DLG1: variants seen among roughly 807,000 people sequenced by gnomAD.
DLG1 encodes disks large homolog 1.
Under a neutral mutation model 123.4 loss-of-function variants are expected in DLG1, and 42 were observed. That is an observed-to-expected ratio of 0.34 (90% confidence interval 0.27 to 0.44). The LOEUF (loss-of-function observed/expected upper bound fraction) is 0.44, where lower values mean the gene tolerates loss of function less well. Among genes scored for constraint, DLG1 ranks in the 20% least tolerant of loss-of-function variants. The pLI is 1.00. For synonymous variants in DLG1, 317 were observed against 356.2 expected (o/e 0.89, Z 1.24); for missense variants, 942 against 1,082.6 (o/e 0.87, Z 1.82).
chr3:197,119,381 G>C, intron 12 of DLG1, 29 bp downstream of exon 12: 1 of 1,546,436 alleles, frequency 6.5e-7, no homozygotes, highest in South Asian at 1.2e-5. Flanking sequence ...TTGATTTTAT[G>C]TAAGAAGGAT....
At chr3:197,127,591 A>C (rs907636942) in intron 11 of DLG1, among the ~76,000 whole-genome samples, 9 of 149,430 alleles carry the variant, frequency 6.0e-5, no homozygotes, top group African/African-American at 2.0e-4. Flanking sequence ...CTAGAACCTG[A>C]AAGTACAAAG....
chr3:197,066,700 A>C lies in DLG1; in HGVS notation c.2098+4T>G. 6.3e-7 allele frequency: 1 copy of C among 1,599,344 alleles called. No individual in the cohort carries two copies. ...GTTATAAAACATCAATAGGCTTCACAAACCTTCTTGTTGATTCACTGGTTC... is the reference window on the plus strand; with the variant it reads ...GTTATAAAACATCAATAGGCTTCACCAACCTTCTTGTTGATTCACTGGTTC... On this transcript the variant is annotated splice_donor_region_variant and intron_variant, in intron 20 of 24. Coordinates refer to ENST00000667157, the MANE Select transcript of DLG1 (RefSeq NM_001366207.1).
intron 4 of DLG1, among the ~76,000 whole-genome samples, chr3:197,206,841 A>C (rs1426905790): frequency 1.3e-5 from 2 of 152,146 alleles, no homozygotes; most frequent in Non-Finnish European, 2.9e-5. Flanking sequence ...TAAATAAATA[A>C]ATAAAAATAA....
At chr3:197,198,409 G>T (rs1723747324) in intron 4 of DLG1, among the ~76,000 whole-genome samples, 5 of 151,140 alleles carry the variant, frequency 3.3e-5, no homozygotes, top group Admixed American at 3.3e-4. Context: ...ATCGTTTGAA[G>T]CCGGGAAGTG....
chr3:197,070,107 CA>C (rs1742586757), intron 18 of DLG1: 1 of 152,102 alleles, frequency 6.6e-6, no homozygotes, highest in Admixed American at 6.5e-5. Flanking sequence ...TCTTCTCATC[CA>C]TGTAAATGTC....
chr3:197,183,451 T>C (rs780576672), intron 5 of DLG1: 7 of 874,458 alleles, frequency 8.0e-6, no homozygotes, highest in South Asian at 5.5e-5. Context: ...ACAGAAAACA[T>C]ACATTTCTAC....
chr3:197,131,379 C>T (rs1782355850), intron 10 of DLG1, among the ~76,000 whole-genome samples: 2 of 152,136 alleles, frequency 1.3e-5, no homozygotes, highest in East Asian at 3.9e-4. Flanking sequence ...TTTTAAATTT[C>T]TACTTTCGTA....
At chr3:197,164,909 G>A (rs1031722880) in intron 5 of DLG1, among the ~76,000 whole-genome samples, 3 of 149,328 alleles carry the variant, frequency 2.0e-5, no homozygotes, top group African/African-American at 5.0e-5. Flanking sequence ...GGGCAACAGA[G>A]CAAGACTATC....
intron 5 of DLG1, among the ~76,000 whole-genome samples, chr3:197,186,032 T>C (rs1715748302): frequency 6.6e-6 from 1 of 152,206 alleles, no homozygotes; most frequent in African/African-American, 2.4e-5. Flanking sequence ...TACTTCTTGA[T>C]GCAAATTTCC....
intron 17 of DLG1, among the ~76,000 whole-genome samples, chr3:197,077,652 G>T (rs934457528): frequency 1.3e-5 from 2 of 152,166 alleles, no homozygotes; most frequent in African/African-American, 4.8e-5. Flanking sequence ...TTGAGCAGTT[G>T]ATTTGATGTC....
chr3:197,166,660 T>G (rs1176332738), intron 5 of DLG1, among the ~76,000 whole-genome samples: 3 of 151,636 alleles, frequency 2.0e-5, no homozygotes, highest in Non-Finnish European at 4.4e-5. Context: ...GAGGCGGAGG[T>G]GGGCGGATCA....
At chr3:197,077,167 T>C (rs1322388041) in intron 17 of DLG1, among the ~76,000 whole-genome samples, 3 of 151,946 alleles carry the variant, frequency 2.0e-5, no homozygotes, top group Admixed American at 6.6e-5. Context: ...AGAAAAGTCA[T>C]TATTTAAAAA....
intron 4 of DLG1, among the ~76,000 whole-genome samples, chr3:197,267,282 T>C (rs1367572919): frequency 6.6e-6 from 1 of 152,014 alleles, no homozygotes; most frequent in African/African-American, 2.4e-5. Flanking sequence ...AAAAGCAGAG[T>C]AGAGAGTAGC....
chr3:197,223,131 T>C (rs143994449), intron 4 of DLG1, among the ~76,000 whole-genome samples: 1 of 152,192 alleles, frequency 6.6e-6, no homozygotes. Flanking sequence ...AACAGCTTCA[T>C]AGTCTCTACA....
rs267599757 is a variant in DLG1 at position 197,076,647 on chromosome 3, G to A, written c.1944C>T (p.Ser648=). The A allele has an allele frequency of 2.5e-6, 4 of 1,612,924 alleles. No individual in the cohort carries two copies. Among genetic ancestry groups the A allele is most frequent in the African/African-American group, 2.7e-5 (2 of 74,856 alleles). Residue 648 remains serine, a synonymous_variant, in exon 18 of 25, where the codon TCC becomes TCT. Transcript: ENST00000667157. ...TGTTCTTGTAGAAGGGGAATTTTCG[G>A]GAAAAGAGGTTCTTTTTACGCTTGT... ...FNDKRKKNLF[S]RKFPFYKNKD...
Position 197,193,676 on chromosome 3 carries a change from T to TGCAAAACAATTGATTA in DLG1, c.483+733_483+748dup, listed in dbSNP as rs1561375033. Among the ~76,000 whole-genome samples the TGCAAAACAATTGATTA allele has an allele frequency of 3.3e-5, 5 of 152,280 alleles. No homozygotes were observed. In the East Asian group the frequency reaches 9.6e-4, roughly 29 times the overall value. Reference sequence around the variant, plus strand: ...GTCCATTTATATAAAGTCCAAAATATGCAAAACAATTGATTAGCAATCGAA... The same window carrying TGCAAAACAATTGATTA: ...GTCCATTTATATAAAGTCCAAAATATGCAAAACAATTGATTAGCAAAACAATTGATTAGCAATCGAA... On this transcript the variant is annotated intron_variant, in intron 5 of 24. Coordinates refer to ENST00000667157, the MANE Select transcript of DLG1 (RefSeq NM_001366207.1).
chr3:197,055,549 G>A (rs1731093525), intron 23 of DLG1, among the ~76,000 whole-genome samples: 1 of 152,088 alleles, frequency 6.6e-6, no homozygotes, highest in South Asian at 2.1e-4. Flanking sequence ...AGGTGTTTCT[G>A]TACCAGGAAT....
intron 23 of DLG1, among the ~76,000 whole-genome samples, chr3:197,057,493 C>T (rs1228655136): frequency 2.0e-5 from 3 of 152,176 alleles, no homozygotes; most frequent in Non-Finnish European, 4.4e-5. Context: ...GGTCATAACT[C>T]GTGCATGTTC....
At chr3:197,240,071 T>C (rs1293148268) in intron 4 of DLG1, among the ~76,000 whole-genome samples, 2 of 152,058 alleles carry the variant, frequency 1.3e-5, no homozygotes, top group Admixed American at 6.6e-5. Context: ...GCATCTCAAA[T>C]GCCAGAAGGG....
Sources: gnomAD v4.1 joint callset for allele counts (sites outside exome capture counted in the v4.1 genomes callset) on GRCh38, gnomAD v4.1.1 for gene constraint, MANE v1.5 for transcripts, NCBI Gene and HGNC (gene_info 2026-07-23, HGNC 2026-07-21) for gene names.